The following CSMD1 variants were observed in gnomAD, a reference collection of about 807,000 sequenced individuals.
The protein encoded by CSMD1 is CUB and Sushi multiple domains 1.
In CSMD1, 213 loss-of-function variants were observed where a neutral mutation model predicts 417.5. That is an observed-to-expected ratio of 0.51 (90% CI 0.46 to 0.57). CSMD1 has a LOEUF of 0.57. Ranked by LOEUF, CSMD1 falls within the 20% of genes least tolerant of loss-of-function variation. The pLI is 0.00. For missense variants in CSMD1, 6,923 were observed against 4,529.7 expected (o/e 1.53, Z -15.17); for synonymous variants, 2,862 against 1,736.8 (o/e 1.65, Z -16.11).
At chr8:4,946,492 G>C (rs1298172002) in intron 1 of CSMD1, among the ~76,000 whole-genome samples, 1 of 152,042 alleles carries the variant, frequency 6.6e-6, no homozygotes, top group Admixed American at 6.6e-5. Flanking sequence ...CCCTCCCCAG[G>C]TACAATATGA....
intron 46 of CSMD1, among the ~76,000 whole-genome samples, chr8:3,098,510 T>C (rs928025682): frequency 2.6e-5 from 4 of 152,214 alleles, no homozygotes; most frequent in Admixed American, 2.0e-4. Flanking sequence ...TTAAATAACA[T>C]ATATTTTAGG....
At chr8:4,408,045 A>T (rs1205840013) in intron 3 of CSMD1, among the ~76,000 whole-genome samples, 1 of 152,154 alleles carries the variant, frequency 6.6e-6, no homozygotes, top group Non-Finnish European at 1.5e-5. Flanking sequence ...TCCCCTCCCC[A>T]AATGTAGCTT....
At chr8:3,899,014 C>T (rs1337715800) in intron 5 of CSMD1, among the ~76,000 whole-genome samples, 5 of 152,028 alleles carry the variant, frequency 3.3e-5, no homozygotes, top group African/African-American at 9.7e-5. Flanking sequence ...GTGCTAGAAG[C>T]CACAAAGGTC....
At chr8:3,342,804 T>G (rs1807745957) in intron 23 of CSMD1, among the ~76,000 whole-genome samples, 1 of 152,118 alleles carries the variant, frequency 6.6e-6, no homozygotes, top group Non-Finnish European at 1.5e-5. Flanking sequence ...CAAAAATTAA[T>G]GGTGAAAAGA....
intron 11 of CSMD1, among the ~76,000 whole-genome samples, chr8:3,478,146 C>T (rs1288862643): frequency 6.6e-6 from 1 of 152,182 alleles, no homozygotes; most frequent in African/African-American, 2.4e-5. Flanking sequence ...ATTTACTGTG[C>T]TGAAATCCAT....
chr8:4,195,652 T>G (rs1799292734), intron 3 of CSMD1, among the ~76,000 whole-genome samples: 1 of 152,288 alleles, frequency 6.6e-6, no homozygotes, highest in East Asian at 1.9e-4. Flanking sequence ...TCGATGCTCC[T>G]TCTAGGCATG....
chr8:3,221,364 C>G (rs1798202086), intron 28 of CSMD1, among the ~76,000 whole-genome samples: 1 of 152,104 alleles, frequency 6.6e-6, no homozygotes, highest in Non-Finnish European at 1.5e-5. Context: ...TAGGCGCTAG[C>G]AGGAATGGTG....
chr8:3,486,049 T>C (rs565631137), intron 11 of CSMD1, among the ~76,000 whole-genome samples: 10 of 152,270 alleles, frequency 6.6e-5, no homozygotes, highest in South Asian at 2.1e-4. Context: ...ACTTGGCAGA[T>C]AGAAATGATA....
chr8:4,538,977 T>A (rs1452260115), intron 2 of CSMD1, among the ~76,000 whole-genome samples: 2 of 152,224 alleles, frequency 1.3e-5, no homozygotes, highest in African/African-American at 4.8e-5. Flanking sequence ...TGGCTTCAGT[T>A]CTAATCTCAG....
At chr8:4,355,739 C>T (rs989835555) in intron 3 of CSMD1, among the ~76,000 whole-genome samples, 1 of 152,178 alleles carries the variant, frequency 6.6e-6, no homozygotes, top group African/African-American at 2.4e-5. Flanking sequence ...TATTCATTTT[C>T]CCCCTGCATG....
In CSMD1 at chr8:4,267,588, C is replaced by G. The variant is rs528630533; in HGVS notation, c.415+152365G>C. ...TCACTGACACAATAAGTGACACATT[C>G]TTGGTTGGTAGAAAAAAATGGACAT... On this transcript the variant is annotated intron_variant, in intron 3 of 69. Transcript: ENST00000635120. Among the ~76,000 whole-genome samples, 3 of 151,978 alleles carry G rather than the reference C, an allele frequency of 2.0e-5. No homozygotes were observed. In the East Asian group the frequency reaches 5.8e-4, roughly 29 times the overall value.
intron 26 of CSMD1, among the ~76,000 whole-genome samples, chr8:3,272,846 T>A (rs1320306110): frequency 2.7e-5 from 4 of 150,494 alleles, no homozygotes; most frequent in African/African-American, 7.4e-5. Context: ...GACAGTGGGG[T>A]TTTCCAGATA....
At chr8:4,417,937 A>G (rs1310875324) in intron 3 of CSMD1, among the ~76,000 whole-genome samples, 2 of 152,062 alleles carry the variant, frequency 1.3e-5, no homozygotes, top group Non-Finnish European at 2.9e-5. Context: ...AAATATTGCT[A>G]TAAAAGCTCT....
chr8:3,518,278 A>G (rs1464203192), intron 10 of CSMD1, among the ~76,000 whole-genome samples: 8 of 152,334 alleles, frequency 5.3e-5, no homozygotes, highest in South Asian at 4.1e-4. Flanking sequence ...AAAATTATAT[A>G]AGAGAGAATT....
chr8:4,929,007 G>T (rs1302756135), intron 1 of CSMD1, among the ~76,000 whole-genome samples: 1 of 152,138 alleles, frequency 6.6e-6, no homozygotes, highest in Non-Finnish European at 1.5e-5. Context: ...GGCGGCAGAG[G>T]TTGCAGTGAG....
At chr8:3,749,126 G>C (rs1411161172) in intron 6 of CSMD1, among the ~76,000 whole-genome samples, 3 of 152,138 alleles carry the variant, frequency 2.0e-5, no homozygotes, top group Non-Finnish European at 2.9e-5. Context: ...AATTTATCTT[G>C]TAGACACTGA....
chr8:3,615,776 T>C (rs1010485873), intron 8 of CSMD1, among the ~76,000 whole-genome samples: 17 of 152,172 alleles, frequency 1.1e-4, no homozygotes, highest in East Asian at 1.9e-4. Flanking sequence ...TTTTCAAAAA[T>C]GGTGACATTG....
chr8:4,077,309 A>ATATATGTG (rs1563092878), intron 3 of CSMD1, among the ~76,000 whole-genome samples: 11 of 145,580 alleles, frequency 7.6e-5, no homozygotes, highest in Non-Finnish European at 1.3e-4. Flanking sequence ...ATATATATAT[A>ATATATGTG]TATATATATA....
intron 3 of CSMD1, among the ~76,000 whole-genome samples, chr8:4,342,629 C>A (rs1409706118): frequency 6.6e-6 from 1 of 151,918 alleles, no homozygotes; most frequent in Admixed American, 6.6e-5. Context: ...CACATGCAGA[C>A]ATTCTTTATT....
Sources: gnomAD v4.1 joint callset for allele counts (sites outside exome capture counted in the v4.1 genomes callset) on GRCh38, gnomAD v4.1.1 for gene constraint, MANE v1.5 for transcripts, NCBI Gene and HGNC (gene_info 2026-07-23, HGNC 2026-07-21) for gene names.